The following MAP4K5 variants were observed in gnomAD, a reference collection of about 807,000 sequenced individuals.
MAP4K5 encodes MAPK/ERK kinase kinase kinase 5.
In MAP4K5, 82 loss-of-function variants were observed where a neutral mutation model predicts 135.6. The observed-to-expected ratio is 0.60, with a 90% CI of 0.51 to 0.73. The LOEUF is 0.73. Among genes scored for constraint, MAP4K5 ranks in the 30% least tolerant of loss-of-function variants. MAP4K5 has a pLI of 0.00. For synonymous variants in MAP4K5, 347 were observed against 335.0 expected, an observed-to-expected ratio of 1.04 and a Z score of -0.39; for missense variants, 907 against 1,010.9, an observed-to-expected ratio of 0.90 and a Z score of 1.39.
intron 3 of MAP4K5, among the ~76,000 whole-genome samples, chr14:50,491,304 G>A (rs544024021): frequency 1.2e-4 from 18 of 151,314 alleles, no homozygotes; most frequent in African/African-American, 3.9e-4. Flanking sequence ...TGTTTCCTGA[G>A]CACAAAGTCT....
chr14:50,466,104 C>A (rs1455125953), intron 11 of MAP4K5, among the ~76,000 whole-genome samples: 1 of 151,994 alleles, frequency 6.6e-6, no homozygotes, highest in East Asian at 1.9e-4. Context: ...GGGCTGGGCA[C>A]AGTAGCTTAC....
In MAP4K5 at chr14:50,447,391, TATTAA is replaced by T; in HGVS notation, c.1142+18_1142+22del. 1 of 1,412,998 alleles carries T rather than the reference TATTAA, an allele frequency of 7.1e-7. No individual in the cohort carries two copies. The highest frequency in any genetic ancestry group is 2.1e-5 in the Admixed American group (1 of 47,320). 87.5% of individuals were successfully genotyped at this position (1,412,998 alleles called of 1,614,324 possible). A position where few individuals can be genotyped will look rare whatever the true frequency, so the allele number is the denominator to read the frequency against. The stretch of plus-strand genomic sequence containing the variant: ...CTTATGTAATCAAATAAAATATAGT[TATTAA>T]ATTAGAAAACAACTTACTTGCCAGT... On this transcript the variant is annotated intron_variant, in intron 16 of 32. Transcript: ENST00000682126.
At chr14:50,551,160 T>C (rs567498372) in intron 1 of MAP4K5, among the ~76,000 whole-genome samples, 1 of 151,850 alleles carries the variant, frequency 6.6e-6, no homozygotes, top group African/African-American at 2.4e-5. Context: ...AGAAAGAAGA[T>C]CCAAATAAGC....
At chr14:50,479,186 CTTT>C (rs34038301) in intron 6 of MAP4K5, among the ~76,000 whole-genome samples, 2 of 142,530 alleles carry the variant, frequency 1.4e-5, no homozygotes, top group Non-Finnish European at 3.1e-5. Flanking sequence ...CATTCTCTCT[CTTT>C]TTTTTTTTCT....
chr14:50,462,721 C>T lies in MAP4K5; in HGVS notation c.880G>A (p.Val294Met). 6.2e-7 allele frequency: 1 copy of T among 1,604,006 alleles called. No individual in the cohort carries two copies. Among genetic ancestry groups the T allele is most frequent in the South Asian group, 1.1e-5 (1 of 88,718 alleles). ...RALAVELLDK[V>M]NNPDNHAHYT... ...TGTGCGTGGTTATCTGGATTGTTCA[C>T]TTTGTCTAACAGTTCAACTGCTAGG... is the stretch of plus-strand genomic sequence containing the variant. The change falls in exon 13 of 33, where the codon GTG (valine) becomes ATG (methionine). Residue 294 changes from valine (V) to methionine (M), a missense_variant. This residue lies in a region of MAP4K5 where 690 missense variants were observed against 777.4 expected (regional missense o/e 0.89). Coordinates refer to ENST00000682126, the MANE Select transcript of MAP4K5 (RefSeq NM_006575.6).
chr14:50,556,959 T>C (rs1012313579), intron 1 of MAP4K5, among the ~76,000 whole-genome samples: 2 of 152,240 alleles, frequency 1.3e-5, no homozygotes, highest in African/African-American at 4.8e-5. Context: ...TGCATATTCC[T>C]GTACAAGTTT....
intron 3 of MAP4K5, among the ~76,000 whole-genome samples, chr14:50,504,533 G>A (rs534649880): frequency 1.3e-5 from 2 of 152,162 alleles, no homozygotes; most frequent in Admixed American, 1.3e-4. Context: ...TAAACCTGAA[G>A]TTCAAATACT....
chr14:50,516,724 G>A (rs1486002818), intron 2 of MAP4K5, among the ~76,000 whole-genome samples: 1 of 152,110 alleles, frequency 6.6e-6, no homozygotes, highest in African/African-American at 2.4e-5. Flanking sequence ...TATAACTGTA[G>A]TTGTATAAAG....
At chr14:50,459,908 C>T (rs1334747700) in intron 13 of MAP4K5, among the ~76,000 whole-genome samples, 1 of 151,990 alleles carries the variant, frequency 6.6e-6, no homozygotes, top group Non-Finnish European at 1.5e-5. Flanking sequence ...CTACGTTGCC[C>T]AGGGTGGTCT....
At chr14:50,463,016 A>G (rs1428108045) in intron 12 of MAP4K5, among the ~76,000 whole-genome samples, 1 of 152,216 alleles carries the variant, frequency 6.6e-6, no homozygotes, top group Non-Finnish European at 1.5e-5. Flanking sequence ...TTGTGAAGTT[A>G]TCTAATCCAT....
chr14:50,472,991 C>T (rs778676861), intron 9 of MAP4K5, among the ~76,000 whole-genome samples: 22 of 152,164 alleles, frequency 1.4e-4, no homozygotes, highest in Admixed American at 1.3e-4. Flanking sequence ...CTATTGATTT[C>T]CACTTATTTT....
chr14:50,542,939 G>T lies in MAP4K5; in HGVS notation c.-179-355C>A, dbSNP rs79764313. On this transcript the variant is annotated intron_variant, in intron 1 of 8. Coordinates refer to the MAP4K5 transcript ENST00000555216. ...ATTCATGCACAGTAGCTAATAGGTT[G>T]GTCAATTACTTGGAAGGAAGAAGAT... 3.9e-5 allele frequency among the ~76,000 whole-genome samples: 6 copies of T among 152,266 alleles called. No individual in the cohort carries two copies. In the East Asian group the frequency reaches 1.2e-3, roughly 29 times the overall value.
At chr14:50,457,461 C>T (rs904949616) in intron 13 of MAP4K5, among the ~76,000 whole-genome samples, 3 of 152,104 alleles carry the variant, frequency 2.0e-5, no homozygotes, top group African/African-American at 7.2e-5. Context: ...CAGCTCAACC[C>T]CTATTTACCA....
rs539460514 is a variant in MAP4K5, at chr14:50,504,716, T to C, written c.166+84A>G. The C allele has an allele frequency of 2.3e-5, 23 of 1,002,826 alleles. No homozygotes were observed. The Admixed American group carries it at 4.7e-4, about 21-fold the overall frequency. 62.1% of individuals were successfully genotyped at this position (1,002,826 alleles called of 1,614,324 possible). ...TATTCTACTGACCTGATAGAACATA[T>C]AAAGACTTCTTCTGGGAAGAAGGGA... On this transcript the variant is annotated intron_variant, in intron 3 of 32. Coordinates refer to ENST00000682126, the MANE Select transcript of MAP4K5 (RefSeq NM_006575.6).
rs375339978 is a variant in MAP4K5, at chr14:50,464,612, T to C, written c.738-479A>G. ...GCAATTTTAGCAACTAGAAGGGTTTTCTGCCACCTTCACTGATGAAGTGGG... is the reference window on the plus strand; with the variant it reads ...GCAATTTTAGCAACTAGAAGGGTTTCCTGCCACCTTCACTGATGAAGTGGG... On this transcript the variant is annotated intron_variant, in intron 11 of 32. Transcript: ENST00000682126. Among the ~76,000 whole-genome samples the C allele has an allele frequency of 1.1e-3, 170 of 152,330 alleles. 2 individuals carry two copies. The South Asian group carries it at 0.033, about 29-fold the overall frequency.
At chr14:50,464,973 A>G (rs555917914) in intron 11 of MAP4K5, among the ~76,000 whole-genome samples, 6 of 152,242 alleles carry the variant, frequency 3.9e-5, no homozygotes, top group Admixed American at 2.0e-4. Context: ...AATGAATATC[A>G]GTCATTCCTG....
At position 50,419,948 on chromosome 14, in the gene MAP4K5, T is replaced by A; in HGVS notation, c.*71A>T. The A allele has an allele frequency of 2.9e-6, 3 of 1,051,304 alleles. No individual in the cohort carries two copies. Among genetic ancestry groups the A allele is most frequent in the Non-Finnish European group, 4.4e-6 (3 of 689,460 alleles). The allele number at this position is 1,051,304 out of a possible 1,614,324, so 65.1% of individuals were successfully genotyped here. On this transcript the variant is annotated 3_prime_UTR_variant, in exon 33 of 33. Transcript: ENST00000682126. ...AAAGCAAATCATAGTGCAGTTTGTA[T>A]TGAATTTCCTTATTTTTCCTTTCAA...
chr14:50,490,739 T>C (rs2037466485), intron 3 of MAP4K5, among the ~76,000 whole-genome samples: 1 of 152,194 alleles, frequency 6.6e-6, no homozygotes, highest in Non-Finnish European at 1.5e-5. Flanking sequence ...GGGGCTGGTC[T>C]TTGCTCCCAG....
intron 1 of MAP4K5, among the ~76,000 whole-genome samples, chr14:50,548,014 T>A (rs1439086103): frequency 6.6e-6 from 1 of 152,182 alleles, no homozygotes. Context: ...CCTCAGAGTC[T>A]CTTGCAGATG....
Sources: allele counts gnomAD v4.1 joint callset (sites outside exome capture counted in the v4.1 genomes callset), GRCh38; gene constraint gnomAD v4.1.1; regional missense constraint gnomAD v4.1.1; transcripts MANE v1.5; gene names NCBI Gene and HGNC (gene_info 2026-07-23, HGNC 2026-07-21).